The following ABCC6 variants were observed in gnomAD, a reference collection of about 807,000 sequenced individuals.
The protein encoded by ABCC6 is ATP-binding cassette sub-family C member 6.
A neutral mutation model predicts 169.5 loss-of-function variants in ABCC6; 126 were observed. The observed-to-expected ratio is 0.74, with a 90% CI of 0.64 to 0.86. ABCC6 has a LOEUF of 0.86. Among genes scored for constraint, ABCC6 ranks in the 40% least tolerant of loss-of-function variants. The pLI, the probability that ABCC6 is intolerant of heterozygous loss-of-function variation, is 0.00. For synonymous variants in ABCC6, 752 were observed against 814.7 expected (o/e 0.92, Z 1.31); for missense variants, 1,733 against 1,927.2 (o/e 0.90, Z 1.89).
intron 4 of ABCC6, among the ~76,000 whole-genome samples, chr16:16,215,527 G>C (rs2048836886): frequency 6.8e-6 from 1 of 148,092 alleles, no homozygotes; most frequent in African/African-American, 2.5e-5. Context: ...AGGCTGATGT[G>C]CAGTGGCATG....
At chr16:16,220,596 T>C (rs1340703284) in intron 2 of ABCC6, among the ~76,000 whole-genome samples, 1 of 151,852 alleles carries the variant, frequency 6.6e-6, no homozygotes, top group Non-Finnish European at 1.5e-5. Context: ...ACAAATAAAG[T>C]TTTATTGAAA....
At chr16:16,214,682 G>A (rs2048786351) in intron 4 of ABCC6, among the ~76,000 whole-genome samples, 1 of 152,070 alleles carries the variant, frequency 6.6e-6, no homozygotes, top group African/African-American at 2.4e-5. Context: ...TCGGCTCCCT[G>A]CAACCTCTGC....
Position 16,169,786 on chromosome 16 carries a change from A to C in ABCC6, c.2855T>G (p.Phe952Cys), listed in dbSNP as rs72657690. 1.3e-6 allele frequency: 2 copies of C among 1,584,684 alleles called. No homozygotes were observed. Among genetic ancestry groups the C allele is most frequent in the East Asian group, 4.6e-5 (2 of 43,278 alleles). The change falls in exon 22 of 31, where the codon TTC becomes TGC. Residue 952 changes from phenylalanine (F) to cysteine (C), a missense_variant. Coordinates refer to ENST00000205557, the MANE Select transcript of ABCC6 (RefSeq NM_001171.6). ...VGTPLCLYAL[F>C]LFLCQQVASF... ...GGCCACTTGCTGGCAGAGGAAGAGG[A>C]AGAGTGCGTAGAGGCAGAGGGGGGT...
Position 16,150,599 on chromosome 16 carries a change from C to T in ABCC6, c.4382G>A (p.Arg1461His), listed in dbSNP as rs57288618. The stretch of plus-strand genomic sequence containing the variant: ...TTACCGGGCACAGTCCATCACGGAG[C>T]GCAGGCGGTGGGCAATGAGCAGCAC... ...CTVLLIAHRL[R>H]SVMDCARVLV... Residue 1461 changes from arginine to histidine, a missense_variant, in exon 30 of 31, where the codon CGC (arginine) becomes CAC (histidine). Physicochemically the swap from Arg to His is conservative, Grantham distance 29. This residue lies in a region of ABCC6 where 1,601 missense variants were observed against 1,635.5 expected (regional missense o/e 0.98). Coordinates refer to ENST00000205557, the MANE Select transcript of ABCC6 (RefSeq NM_001171.6). 7.2e-5 allele frequency: 116 copies of T among 1,612,028 alleles called. 1 individual carries two copies. Among genetic ancestry groups the T allele is most frequent in the Non-Finnish European group, 8.1e-5 (95 of 1,179,022 alleles).
intron 9 of ABCC6, among the ~76,000 whole-genome samples, chr16:16,198,453 T>C (rs1308824800): frequency 2.0e-5 from 3 of 152,176 alleles, no homozygotes; most frequent in East Asian, 1.9e-4. Flanking sequence ...ATCTGCCCAG[T>C]GCTCACCATG....
chr16:16,214,908 C>A (rs1236364755), intron 4 of ABCC6, among the ~76,000 whole-genome samples: 1 of 152,228 alleles, frequency 6.6e-6, no homozygotes, highest in Non-Finnish European at 1.5e-5. Context: ...CCATGCCCAG[C>A]AGGTCCTAAT....
chr16:16,165,555 C>A (rs2046845830), intron 23 of ABCC6, 68 bp downstream of exon 23: 1 of 1,572,102 alleles, frequency 6.4e-7, no homozygotes, highest in African/African-American at 1.4e-5. Context: ...ATGGAGTCTT[C>A]CCCAGAGACA....
rs762404874 is a variant in ABCC6, at chr16:16,203,405, C to T, written c.998+5G>A. On this transcript the variant is annotated splice_donor_5th_base_variant and intron_variant, in intron 8 of 30. Coordinates refer to ENST00000205557, the MANE Select transcript of ABCC6 (RefSeq NM_001171.6). ...TTAGCAGGGCACTTGAGGTCTGGGACTCACCTGAGCAGCTTGGGGACAGTG... is the reference window on the plus strand; with the variant it reads ...TTAGCAGGGCACTTGAGGTCTGGGATTCACCTGAGCAGCTTGGGGACAGTG... The T allele has an allele frequency of 3.2e-5, 52 of 1,613,904 alleles. 1 individual carries two copies. The South Asian group carries it at 5.4e-4, about 17-fold the overall frequency.
At position 16,150,156 on chromosome 16, in the gene ABCC6, C is replaced by A. The variant is rs2046345791; in HGVS notation, c.4489G>T (p.Ala1497Ser). ...LAQKGLFYRLAQESGLV is the reference protein window; with the variant it reads ...LAQKGLFYRLSQESGLV ...GCTCAGACCAGGCCTGACTCCTGGG[C>A]CAGTCTGTAAAACAGGCCCTTCTGG... Residue 1497 changes from alanine to serine, a missense_variant, in exon 31 of 31, where the codon GCC (alanine) becomes TCC (serine). Around this residue, in one of 5 missense-constraint regions of ABCC6, gnomAD observed 1,601 missense variants for 1,635.5 expected, o/e 0.98. Transcript: ENST00000205557. The A allele has an allele frequency of 2.5e-6, 4 of 1,612,968 alleles. No homozygotes were observed. In the East Asian group the frequency reaches 8.9e-5, roughly 36 times the overall value.
At chr16:16,200,198 G>T (rs2048192117) in intron 9 of ABCC6, among the ~76,000 whole-genome samples, 1 of 152,178 alleles carries the variant, frequency 6.6e-6, no homozygotes, top group South Asian at 2.1e-4. Flanking sequence ...TTGGGAGGCT[G>T]AGGTGGGTGG....
Position 16,200,027 on chromosome 16 carries a change from C to T in ABCC6, c.1177-1845G>A, listed in dbSNP as rs1450329842. ...AGGTTGCAGTGAGCCAAGATTGCACCGCTGCACTACAGCCTGGGTGACAGA... is the reference window on the plus strand; with the variant it reads ...AGGTTGCAGTGAGCCAAGATTGCACTGCTGCACTACAGCCTGGGTGACAGA... On this transcript the variant is annotated intron_variant, in intron 9 of 30. Transcript: ENST00000205557. Among the ~76,000 whole-genome samples, 6 of 151,816 alleles carry T rather than the reference C, an allele frequency of 4.0e-5. No homozygotes were observed. The East Asian group carries it at 7.8e-4, about 20-fold the overall frequency.
chr16:16,180,227 A>G (rs1307678667), intron 17 of ABCC6, among the ~76,000 whole-genome samples: 1 of 152,196 alleles, frequency 6.6e-6, no homozygotes, highest in Non-Finnish European at 1.5e-5. Context: ...AGTTCCTAAC[A>G]GGCCACAGAC....
At chr16:16,198,248 C>T (rs1376124406) in intron 9 of ABCC6, 66 bp from the exon 10 acceptor site, 4 of 1,525,824 alleles carry the variant, frequency 2.6e-6, no homozygotes, top group Non-Finnish European at 2.7e-6. Context: ...CCCCAGGTGG[C>T]TTCTCCACCC....
At chr16:16,196,746 G>C (rs2048051061) in intron 10 of ABCC6, among the ~76,000 whole-genome samples, 1 of 152,164 alleles carries the variant, frequency 6.6e-6, no homozygotes, top group African/African-American at 2.4e-5. Flanking sequence ...CTGTCACCCA[G>C]GCTGGAGTGC....
chr16:16,189,001 C>T, intron 12 of ABCC6, 27 bp from the exon 13 acceptor site: 1 of 1,612,712 alleles, frequency 6.2e-7, no homozygotes, highest in Non-Finnish European at 8.5e-7. Context: ...ACACGTGGGG[C>T]AACAGTGAGA....
At chr16:16,180,179 G>A (rs1024458655) in intron 17 of ABCC6, among the ~76,000 whole-genome samples, 2 of 152,140 alleles carry the variant, frequency 1.3e-5, no homozygotes, top group African/African-American at 2.4e-5. Flanking sequence ...AACCTCACTC[G>A]CCTGCCCTCT....
chr16:16,205,224 T>G (rs868781067), intron 7 of ABCC6, among the ~76,000 whole-genome samples: 4 of 152,186 alleles, frequency 2.6e-5, no homozygotes, highest in African/African-American at 9.6e-5. Flanking sequence ...GCTCACTGAC[T>G]CCCCTGGATC....
At chr16:16,175,142 T>C (rs949284511) in intron 20 of ABCC6, among the ~76,000 whole-genome samples, 2 of 152,156 alleles carry the variant, frequency 1.3e-5, no homozygotes, top group East Asian at 1.9e-4. Flanking sequence ...CTTCAGATTC[T>C]TGTGCGCTGT....
chr16:16,165,983 C>A, intron 22 of ABCC6, 50 bp from the exon 23 acceptor site: 1 of 1,585,358 alleles, frequency 6.3e-7, no homozygotes, highest in Admixed American at 1.8e-5. Flanking sequence ...CCCTCAGGAG[C>A]GGCCCACGGG....
Sources: allele counts gnomAD v4.1 joint callset (sites outside exome capture counted in the v4.1 genomes callset), GRCh38; gene constraint gnomAD v4.1.1; regional missense constraint gnomAD v4.1.1; transcripts MANE v1.5; gene names NCBI Gene and HGNC (gene_info 2026-07-23, HGNC 2026-07-21).